Variants in TULP4 observed in about 807,000 individuals in gnomAD.
TULP4 encodes TUB like protein 4.
Under a neutral mutation model 129.0 loss-of-function variants are expected in TULP4, and 16 were observed. The observed-to-expected ratio is 0.12, with a 90% CI of 0.08 to 0.19. The LOEUF (loss-of-function observed/expected upper bound fraction) is 0.19, where lower values mean the gene tolerates loss of function less well. Ranked by LOEUF, TULP4 falls within the 10% of genes least tolerant of loss-of-function variation. The pLI is 1.00. For synonymous variants in TULP4, 998 were observed against 854.0 expected, an observed-to-expected ratio of 1.17 and a Z score of -2.94; for missense variants, 1,842 against 2,059.1, an observed-to-expected ratio of 0.89 and a Z score of 2.04.
chr6:158,283,926 A>G (rs1288140864), intron 1 of TULP4, among the ~76,000 whole-genome samples: 1 of 152,110 alleles, frequency 6.6e-6, no homozygotes, highest in South Asian at 2.1e-4. Flanking sequence ...ATTTAACCTC[A>G]GGGAATGATT....
At chr6:158,416,456 GA>G (rs55817565) in intron 2 of TULP4, among the ~76,000 whole-genome samples, 3,975 of 146,874 alleles carry the variant, frequency 0.027, 160 homozygotes, top group African/African-American at 0.089. Flanking sequence ...CATTTAAAAA[GA>G]AAAAAAAAAT....
chr6:158,411,084 A>G (rs1397301332), intron 1 of TULP4, among the ~76,000 whole-genome samples: 2 of 149,912 alleles, frequency 1.3e-5, no homozygotes, highest in Non-Finnish European at 3.0e-5. Flanking sequence ...CTGGCGTACA[A>G]GGAGGCGAGG....
At chr6:158,468,856 G>A (rs1391234195) in intron 6 of TULP4, among the ~76,000 whole-genome samples, 1 of 152,180 alleles carries the variant, frequency 6.6e-6, no homozygotes, top group Non-Finnish European at 1.5e-5. Context: ...AGTAAAAGCA[G>A]GGAGGCGCCT....
At chr6:158,297,977 A>G (rs980908359) in intron 1 of TULP4, among the ~76,000 whole-genome samples, 10 of 152,158 alleles carry the variant, frequency 6.6e-5, no homozygotes, top group Admixed American at 6.5e-4. Flanking sequence ...GCGGCCGTTT[A>G]TAGACCTCCC....
intron 1 of TULP4, among the ~76,000 whole-genome samples, chr6:158,270,269 C>T (rs2128461421): frequency 6.6e-6 from 1 of 152,272 alleles, no homozygotes; most frequent in South Asian, 2.1e-4. Flanking sequence ...AGCTCTCTTT[C>T]TTTGTTTTGC....
chr6:158,462,561 G>T (rs1251992850), intron 6 of TULP4, among the ~76,000 whole-genome samples: 7 of 149,736 alleles, frequency 4.7e-5, no homozygotes, highest in Non-Finnish European at 1.0e-4. Flanking sequence ...TTTTACTAGA[G>T]ATGGGGTTTC....
Position 158,269,134 on chromosome 6 carries a change from G to A in TULP4, n.68+36831G>A, listed in dbSNP as rs965264021. Reference sequence around the variant, plus strand: ...TAGAAATTCTCGAGTCTGAGAATATGAGAATAGAGTTGGCCTAGGTTCATA... The same window carrying A: ...TAGAAATTCTCGAGTCTGAGAATATAAGAATAGAGTTGGCCTAGGTTCATA... On this transcript the variant is annotated intron_variant and non_coding_transcript_variant, in intron 1 of 1. Coordinates refer to the TULP4 transcript ENST00000620026. Among the ~76,000 whole-genome samples the A allele has an allele frequency of 1.6e-4, 24 of 152,160 alleles. 1 individual carries two copies. The highest frequency in any genetic ancestry group is 5.8e-4 in the African/African-American group (24 of 41,422).
intron 6 of TULP4, among the ~76,000 whole-genome samples, chr6:158,464,322 GCCA>G (rs1401938931): frequency 4.6e-5 from 7 of 152,162 alleles, no homozygotes; most frequent in Non-Finnish European, 1.0e-4. Context: ...TTGAAACCAG[GCCA>G]TACACATGTC....
At chr6:158,374,090 A>G (rs893006819) in intron 1 of TULP4, among the ~76,000 whole-genome samples, 3 of 152,206 alleles carry the variant, frequency 2.0e-5, no homozygotes, top group African/African-American at 7.2e-5. Flanking sequence ...TATTAATAAC[A>G]TAATGATGCA....
chr6:158,413,187 G>C lies in TULP4; in HGVS notation c.375G>C (p.Gly125=). Residue 125 remains glycine (G), a synonymous_variant, in exon 2 of 14, where the codon GGG becomes GGC. Coordinates refer to ENST00000367097, the MANE Select transcript of TULP4 (RefSeq NM_020245.5). The surrounding 1 kb of genome is among the most constrained non-coding windows in gnomAD (Gnocchi z 4.9). ...RWSVELVNDR[G]AQVSDFTWSH... is the part of the protein sequence containing the mutation. Reference sequence around the variant, plus strand: ...CTGTGGAGCTGGTCAACGACCGCGGGGCGCAGGTGAGTGGCAGGCGCAGCT... The same window carrying C: ...CTGTGGAGCTGGTCAACGACCGCGGCGCGCAGGTGAGTGGCAGGCGCAGCT... 6.2e-7 allele frequency: 1 copy of C among 1,611,562 alleles called. No individual in the cohort carries two copies.
In TULP4 at chr6:158,270,479, C is replaced by G. The variant is rs987883389; in HGVS notation, n.68+38176C>G. 2.0e-5 allele frequency among the ~76,000 whole-genome samples: 3 copies of G among 152,152 alleles called. No individual in the cohort carries two copies. In the East Asian group the frequency reaches 5.8e-4, roughly 29 times the overall value. ...CTTCTCGGGGCTAGGGACTGGACTT[C>G]GATGAGTTTTGCATTGTCAGCACCC... On this transcript the variant is annotated intron_variant and non_coding_transcript_variant, in intron 1 of 1. Coordinates refer to the TULP4 transcript ENST00000620026.
chr6:158,237,530 C>T, intron 1 of TULP4: 1 of 1,558,878 alleles, frequency 6.4e-7, no homozygotes, highest in African/African-American at 1.4e-5. Context: ...GATGAAGCTC[C>T]TGCAGTTGCT....
rs1384957166 is a variant in TULP4, at chr6:158,508,854, G to A, written c.*2160G>A. 7.3e-6 allele frequency: 1 copy of A among 136,686 alleles called. No individual in the cohort carries two copies. The highest frequency in any genetic ancestry group is 2.2e-4 in the East Asian group (1 of 4,480). The allele number at this position is 136,686 out of a possible 1,614,324, so 8.5% of individuals were successfully genotyped here. A position where few individuals can be genotyped will look rare whatever the true frequency, so the allele number is the denominator to read the frequency against. On this transcript the variant is annotated 3_prime_UTR_variant, in exon 14 of 14. Transcript: ENST00000367097. ...ATGGTCACAGTATATTTTGCTGCAA[G>A]AAATAAAGAGGATATGATAGAAGGT...
intron 2 of TULP4, among the ~76,000 whole-genome samples, chr6:158,417,904 C>G (rs1258980885): frequency 6.6e-6 from 1 of 152,080 alleles, no homozygotes; most frequent in East Asian, 1.9e-4. Flanking sequence ...GTATTAGTCA[C>G]CAGGGGCGGC....
chr6:158,346,144 C>A (rs543489702), intron 1 of TULP4, among the ~76,000 whole-genome samples: 1 of 152,120 alleles, frequency 6.6e-6, no homozygotes, highest in Non-Finnish European at 1.5e-5. Context: ...TTTCAAGGTG[C>A]ACTGATTTCA....
intron 9 of TULP4, among the ~76,000 whole-genome samples, chr6:158,492,947 C>G (rs1423422484): frequency 6.6e-6 from 1 of 152,158 alleles, no homozygotes; most frequent in Non-Finnish European, 1.5e-5. Flanking sequence ...TTAAATATTG[C>G]AGATGGTGAA....
At chr6:158,368,625 C>A (rs1776998443) in intron 1 of TULP4, among the ~76,000 whole-genome samples, 1 of 152,170 alleles carries the variant, frequency 6.6e-6, no homozygotes, top group Non-Finnish European at 1.5e-5. Flanking sequence ...TTGACTGGTT[C>A]ATTTCTTTCA....
chr6:158,236,248 T>G (rs1222897296), intron 1 of TULP4, among the ~76,000 whole-genome samples: 1 of 152,214 alleles, frequency 6.6e-6, no homozygotes, highest in Admixed American at 6.5e-5. Flanking sequence ...TTGACAGCAG[T>G]TTTTACAGCA....
At chr6:158,298,481 T>C (rs1439213252) in intron 1 of TULP4, among the ~76,000 whole-genome samples, 1 of 149,826 alleles carries the variant, frequency 6.7e-6, no homozygotes, top group Non-Finnish European at 1.5e-5. Context: ...TCTCCCTTTC[T>C]TTTTATATAA....
Sources: gnomAD v4.1 joint callset for allele counts (sites outside exome capture counted in the v4.1 genomes callset) on GRCh38, gnomAD v4.1.1 for gene constraint, Gnocchi (gnomAD v3.1) non-coding constraint, MANE v1.5 for transcripts, NCBI Gene and HGNC (gene_info 2026-07-23, HGNC 2026-07-21) for gene names.